The following NEGR1 variants were observed in gnomAD, a reference collection of about 807,000 sequenced individuals.
NEGR1 encodes the protein IgLON family member 4.
NEGR1 carries 10 observed loss-of-function variants against 40.9 expected under a neutral mutation model. The ratio of observed to expected loss-of-function variants is 0.24; its 90% confidence interval spans 0.15 to 0.42. The LOEUF is 0.42. NEGR1 is among the 10% of genes least tolerant of loss of function. NEGR1 has a pLI of 1.00. For synonymous variants in NEGR1, 185 were observed against 166.8 expected (o/e 1.11, Z -0.84); for missense variants, 352 against 438.9 (o/e 0.80, Z 1.77).
At chr1:71,727,010 G>C (rs532219150) in intron 3 of NEGR1, among the ~76,000 whole-genome samples, 4 of 152,188 alleles carry the variant, frequency 2.6e-5, no homozygotes, top group African/African-American at 9.6e-5. Flanking sequence ...CCTTTACTAT[G>C]GTTAGTATGT....
chr1:71,503,925 A>T (rs969239784), intron 6 of NEGR1, among the ~76,000 whole-genome samples: 3 of 151,404 alleles, frequency 2.0e-5, no homozygotes, highest in African/African-American at 7.3e-5. Context: ...CCAAATATTG[A>T]TCCTGAATGG....
chr1:72,007,153 T>C (rs1353407517), intron 1 of NEGR1, among the ~76,000 whole-genome samples: 1 of 152,114 alleles, frequency 6.6e-6, no homozygotes, highest in Admixed American at 6.6e-5. Flanking sequence ...GTCATTTAAA[T>C]ACCTGGGTTC....
At chr1:71,840,741 A>C (rs552890874) in intron 2 of NEGR1, among the ~76,000 whole-genome samples, 3 of 152,284 alleles carry the variant, frequency 2.0e-5, no homozygotes, top group African/African-American at 4.8e-5. Flanking sequence ...GGTTGACTGG[A>C]CCGTGGTACC....
intron 3 of NEGR1, among the ~76,000 whole-genome samples, chr1:71,714,255 C>T (rs914628460): frequency 9.2e-5 from 14 of 152,136 alleles, no homozygotes; most frequent in African/African-American, 3.4e-4. Context: ...AAACCATCCC[C>T]ATGATTCAAT....
At chr1:72,141,382 C>A (rs944222491) in intron 1 of NEGR1, among the ~76,000 whole-genome samples, 10 of 151,794 alleles carry the variant, frequency 6.6e-5, no homozygotes, top group African/African-American at 2.4e-4. Flanking sequence ...GAATTTATAC[C>A]AGGGAACTAG....
chr1:71,811,755 G>T, intron 2 of NEGR1, among the ~76,000 whole-genome samples: 1 of 150,996 alleles, frequency 6.6e-6, no homozygotes, highest in Non-Finnish European at 1.5e-5. Context: ...GATAGTAGTT[G>T]CTAACTTAAT....
intron 3 of NEGR1, among the ~76,000 whole-genome samples, chr1:71,742,772 G>T (rs747124143): frequency 6.6e-6 from 1 of 152,130 alleles, no homozygotes; most frequent in East Asian, 1.9e-4. Context: ...TAGTGTTGAT[G>T]TTGGAACACA....
intron 1 of NEGR1, among the ~76,000 whole-genome samples, chr1:72,065,638 A>T (rs967591138): frequency 2.4e-4 from 36 of 152,170 alleles, no homozygotes; most frequent in African/African-American, 8.2e-4. Flanking sequence ...AGGTTGACTG[A>T]CTTCAAACAA....
rs1024978106 is a variant in NEGR1 at position 71,843,267 on chromosome 1, C to T, written c.410-66970G>A. ...GTCCTATTGCACAGAAACAGGGGCT[C>T]TCTAGATCTTTGGAGATAAATAGAC... is the stretch of plus-strand genomic sequence containing the variant. On this transcript the variant is annotated intron_variant, in intron 2 of 6. Transcript: ENST00000357731. Among the ~76,000 whole-genome samples, 146 of 152,022 alleles carry T rather than the reference C, an allele frequency of 9.6e-4. 1 individual carries two copies. The highest frequency in any genetic ancestry group is 3.4e-3 in the African/African-American group (142 of 41,402).
chr1:71,805,523 G>C (rs1657736076), intron 2 of NEGR1, among the ~76,000 whole-genome samples: 1 of 152,128 alleles, frequency 6.6e-6, no homozygotes, highest in Admixed American at 6.5e-5. Context: ...AAACATCGGG[G>C]CTGAATTTCG....
chr1:71,849,024 G>T (rs561128221), intron 2 of NEGR1, among the ~76,000 whole-genome samples: 16 of 152,172 alleles, frequency 1.1e-4, no homozygotes, highest in African/African-American at 3.9e-4. Context: ...CAGAGGTGGA[G>T]GTTTCAGTGA....
intron 6 of NEGR1, among the ~76,000 whole-genome samples, chr1:71,432,154 G>A (rs1646473884): frequency 6.6e-6 from 1 of 152,128 alleles, no homozygotes; most frequent in East Asian, 1.9e-4. Flanking sequence ...GAGCAGAGGA[G>A]TGACATGTTC....
chr1:71,532,426 T>C (rs1443715543), intron 6 of NEGR1, among the ~76,000 whole-genome samples: 1 of 151,584 alleles, frequency 6.6e-6, no homozygotes, highest in Non-Finnish European at 1.5e-5. Flanking sequence ...AGAGTAGAAG[T>C]ATAGGTTTTC....
At chr1:71,538,212 A>T (rs1454856879) in intron 6 of NEGR1, among the ~76,000 whole-genome samples, 2 of 151,724 alleles carry the variant, frequency 1.3e-5, no homozygotes, top group Non-Finnish European at 2.9e-5. Flanking sequence ...TACAAGAAGG[A>T]ACCATTTGTA....
At position 71,637,756 on chromosome 1, in the gene NEGR1, G is replaced by C. The variant is rs12044741; in HGVS notation, c.668-26610C>G. 1.9e-4 allele frequency among the ~76,000 whole-genome samples: 29 copies of C among 151,940 alleles called. No individual in the cohort carries two copies. In the East Asian group the frequency reaches 4.9e-3, roughly 26 times the overall value. ...AGAAGAGGGTGAAGACACAGAGGGAGACAAAGAAGCATCATTGGCGGTAGG... is the reference window on the plus strand; with the variant it reads ...AGAAGAGGGTGAAGACACAGAGGGACACAAAGAAGCATCATTGGCGGTAGG... On this transcript the variant is annotated intron_variant, in intron 4 of 6. Coordinates refer to ENST00000357731, the MANE Select transcript of NEGR1 (RefSeq NM_173808.3).
intron 1 of NEGR1, among the ~76,000 whole-genome samples, chr1:72,079,639 A>G (rs906848975): frequency 6.6e-6 from 1 of 152,114 alleles, no homozygotes; most frequent in Non-Finnish European, 1.5e-5. Flanking sequence ...CCATTTCTGA[A>G]TTATTTTTAA....
At chr1:71,914,306 T>A (rs1661510642) in intron 2 of NEGR1, among the ~76,000 whole-genome samples, 1 of 152,210 alleles carries the variant, frequency 6.6e-6, no homozygotes, top group African/African-American at 2.4e-5. Flanking sequence ...ATCCTTTACT[T>A]CAACAATCAA....
At chr1:72,100,612 T>G (rs971368353) in intron 1 of NEGR1, 1 of 152,184 alleles carries the variant, frequency 6.6e-6, no homozygotes, top group Non-Finnish European at 1.5e-5. Flanking sequence ...CACATGCACA[T>G]AAAACAGTTC....
chr1:71,986,668 T>C (rs1646397353), intron 1 of NEGR1, among the ~76,000 whole-genome samples: 1 of 152,068 alleles, frequency 6.6e-6, no homozygotes, highest in Admixed American at 6.5e-5. Context: ...AAAATAACTT[T>C]CAAGCATCTG....
Sources: allele counts gnomAD v4.1 joint callset (sites outside exome capture counted in the v4.1 genomes callset), GRCh38; gene constraint gnomAD v4.1.1; transcripts MANE v1.5; gene names NCBI Gene and HGNC (gene_info 2026-07-23, HGNC 2026-07-21).